Variants in NCOR2 observed in about 807,000 individuals in gnomAD.
NCOR2 encodes nuclear receptor corepressor 2.
A neutral mutation model predicts 262.9 loss-of-function variants in NCOR2; 81 were observed. That is an observed-to-expected ratio of 0.31 (90% confidence interval 0.26 to 0.37). The LOEUF (loss-of-function observed/expected upper bound fraction) is 0.37, where lower values mean the gene tolerates loss of function less well. Ranked by LOEUF, NCOR2 falls within the 10% of genes least tolerant of loss-of-function variation. The pLI is 1.00. For synonymous variants in NCOR2, 1,659 were observed against 1,559.3 expected (o/e 1.06, Z -1.51); for missense variants, 3,385 against 3,621.4 (o/e 0.93, Z 1.68).
intron 3 of NCOR2, among the ~76,000 whole-genome samples, chr12:124,475,300 G>A (rs757996542): frequency 1.6e-4 from 24 of 152,214 alleles, no homozygotes; most frequent in East Asian, 1.2e-3. Flanking sequence ...ACCTGGGGCC[G>A]CTCACAGCTC....
At chr12:124,397,994 C>T (rs1366963247) in intron 16 of NCOR2, 125 bp downstream of exon 18, 2 of 1,112,024 alleles carry the variant, frequency 1.8e-6, no homozygotes, top group Admixed American at 1.8e-5. Flanking sequence ...GAACCAGAAC[C>T]TCACCAGAGG....
intron 1 of NCOR2, among the ~76,000 whole-genome samples, chr12:124,512,879 G>A (rs1275822900): frequency 1.3e-5 from 2 of 152,152 alleles, no homozygotes; most frequent in African/African-American, 4.8e-5. Flanking sequence ...AACTGACAGT[G>A]AGTCACCCCC....
intron 11 of NCOR2, among the ~76,000 whole-genome samples, chr12:124,423,707 G>A (rs554739197): frequency 7.9e-5 from 12 of 152,302 alleles, no homozygotes; most frequent in Admixed American, 5.9e-4. Context: ...CAGGCACAGT[G>A]GGGGCTCCCA....
intron 1 of NCOR2, among the ~76,000 whole-genome samples, chr12:124,520,013 A>G (rs1350266825): frequency 6.6e-6 from 1 of 152,186 alleles, no homozygotes; most frequent in Non-Finnish European, 1.5e-5. Context: ...CTAAGACCAG[A>G]TTTGCCTGTG....
chr12:124,329,602 T>A (rs575251059), intron 44 of NCOR2, among the ~76,000 whole-genome samples: 29 of 151,940 alleles, frequency 1.9e-4, no homozygotes, highest in African/African-American at 6.8e-4. Context: ...ATTACTCGGG[T>A]GCAGTGGCGC....
At chr12:124,429,329 C>G (rs941643761) in intron 10 of NCOR2, 1 of 471,742 alleles carries the variant, frequency 2.1e-6, no homozygotes, top group Non-Finnish European at 3.8e-6. Context: ...GTCCTCGTCC[C>G]CCAACCCCCT....
At chr12:124,545,526 C>A (rs1334380041) in intron 1 of NCOR2, among the ~76,000 whole-genome samples, 3 of 152,198 alleles carry the variant, frequency 2.0e-5, no homozygotes, top group Admixed American at 6.5e-5. Context: ...CCCTCGAAGC[C>A]CCCACCACAC....
chr12:124,357,356 T>C (rs2038032144), intron 22 of NCOR2, among the ~76,000 whole-genome samples: 1 of 152,194 alleles, frequency 6.6e-6, no homozygotes, highest in Non-Finnish European at 1.5e-5. Flanking sequence ...TCTTGCTATG[T>C]TGCCCCAGGC....
chr12:124,466,380 G>C, intron 4 of NCOR2, 94 bp from the exon 7 acceptor site: 4 of 1,113,322 alleles, frequency 3.6e-6, no homozygotes, highest in African/African-American at 1.6e-5. Context: ...CTTGCAGCCC[G>C]GGCCACGGCC....
chr12:124,392,049 T>TAC (rs1273139575), intron 16 of NCOR2, among the ~76,000 whole-genome samples: 3 of 152,210 alleles, frequency 2.0e-5, no homozygotes, highest in Non-Finnish European at 4.4e-5. Context: ...CGTGCGTGTG[T>TAC]ACACACGCGT....
intron 8 of NCOR2, among the ~76,000 whole-genome samples, chr12:124,436,539 C>A (rs764207165): frequency 3.9e-5 from 6 of 152,232 alleles, no homozygotes; most frequent in Non-Finnish European, 5.9e-5. Flanking sequence ...TACCATGTCC[C>A]AGCAGCCCCG....
At chr12:124,552,650 G>A (rs549464264) in intron 1 of NCOR2, among the ~76,000 whole-genome samples, 2 of 152,262 alleles carry the variant, frequency 1.3e-5, no homozygotes, top group Non-Finnish European at 1.5e-5. Flanking sequence ...CCACAAACTC[G>A]GTGACTTAAA....
intron 8 of NCOR2, among the ~76,000 whole-genome samples, chr12:124,433,723 AG>A (rs1212641206): frequency 2.0e-5 from 3 of 152,180 alleles, no homozygotes; most frequent in African/African-American, 7.2e-5. Flanking sequence ...CAGGGCGGGC[AG>A]CTCCGGCCTG....
intron 20 of NCOR2, among the ~76,000 whole-genome samples, chr12:124,367,574 G>A (rs1002025580): frequency 1.3e-5 from 2 of 152,172 alleles, no homozygotes; most frequent in African/African-American, 4.8e-5. Context: ...GCCACCTCCA[G>A]AAGCCCTCCT....
chr12:124,368,998 G>T (rs1593244988), intron 20 of NCOR2, among the ~76,000 whole-genome samples: 2 of 152,378 alleles, frequency 1.3e-5, no homozygotes, highest in East Asian at 3.9e-4. Context: ...CCCTCTTGGG[G>T]TGACCTCTAG....
chr12:124,367,836 G>C (rs1020398922), intron 20 of NCOR2, among the ~76,000 whole-genome samples: 1 of 152,198 alleles, frequency 6.6e-6, no homozygotes, highest in African/African-American at 2.4e-5. Flanking sequence ...CTTTCACTAT[G>C]TTGGTCAGGC....
chr12:124,362,258 C>A, exon 22 of NCOR2: 1 of 1,314,846 alleles, frequency 7.6e-7, no homozygotes, highest in Non-Finnish European at 9.7e-7. Context: ...TTGGTGGGAG[C>A]TGCGTCCTCC....
chr12:124,385,402 C>T lies in NCOR2; in HGVS notation c.2019+343G>A, dbSNP rs545113600. 4.6e-5 allele frequency among the ~76,000 whole-genome samples: 7 copies of T among 152,322 alleles called. No individual in the cohort carries two copies. The South Asian group carries it at 1.4e-3, about 32-fold the overall frequency. On this transcript the variant is annotated intron_variant, in intron 17 of 46. Transcript: ENST00000405201. ...TTCCAACGCGCTGACAGCCCGAATT[C>T]CTGGCTGAGTCAGTCTGGTCCACCG...
Position 124,549,434 on chromosome 12 carries a change from A to G in NCOR2, c.-164-13823T>C, listed in dbSNP as rs2051642626. Among the ~76,000 whole-genome samples the G allele has an allele frequency of 6.6e-6, 1 of 152,108 alleles. No homozygotes were observed. Among genetic ancestry groups the G allele is most frequent in the Non-Finnish European group, 1.5e-5 (1 of 68,010 alleles). ...TTAATCCCCCTAGGGATCTCTGCTG[A>G]GCTGGCTCCTTGGGGGCCTGGGGAG... On this transcript the variant is annotated intron_variant, in intron 1 of 32. Transcript: ENST00000458234. The surrounding 1 kb of genome is among the most constrained non-coding windows in gnomAD (Gnocchi z 4.4).
Sources: gnomAD v4.1 joint callset for allele counts (sites outside exome capture counted in the v4.1 genomes callset) on GRCh38, gnomAD v4.1.1 for gene constraint, Gnocchi (gnomAD v3.1) non-coding constraint, MANE v1.5 for transcripts, NCBI Gene and HGNC (gene_info 2026-07-23, HGNC 2026-07-21) for gene names.